KCNIP4: variants seen among roughly 807,000 people sequenced by gnomAD.
KCNIP4 encodes the protein Kv channel-interacting protein 4.
KCNIP4 carries 12 observed loss-of-function variants against 34.0 expected under a neutral mutation model. The ratio of observed to expected loss-of-function variants is 0.35; its 90% CI spans 0.23 to 0.57. The LOEUF (loss-of-function observed/expected upper bound fraction) is 0.57, where lower values mean the gene tolerates loss of function less well. Among genes scored for constraint, KCNIP4 ranks in the 20% least tolerant of loss-of-function variants. KCNIP4 has a pLI of 0.83. For missense variants in KCNIP4, 238 were observed against 311.7 expected (o/e 0.76, Z 1.78); for synonymous variants, 124 against 102.2 (o/e 1.21, Z -1.29).
At chr4:21,176,364 C>G (rs2322874) in intron 1 of KCNIP4, among the ~76,000 whole-genome samples, 99,576 of 151,928 alleles carry the variant, frequency 0.66, 33,218 homozygotes, top group African/African-American at 0.77. Context: ...AGAGGCCTGA[C>G]TGGGGGCTCC....
At chr4:21,153,860 C>T (rs1752949096) in intron 1 of KCNIP4, among the ~76,000 whole-genome samples, 1 of 151,908 alleles carries the variant, frequency 6.6e-6, no homozygotes, top group Non-Finnish European at 1.5e-5. Flanking sequence ...TCAGGTATAT[C>T]CACTCAGTAC....
At chr4:21,927,380 A>G (rs894744542) in intron 1 of KCNIP4, among the ~76,000 whole-genome samples, 1 of 152,158 alleles carries the variant, frequency 6.6e-6, no homozygotes, top group Admixed American at 6.5e-5. Context: ...CTATCACACC[A>G]AAGCAACAGA....
At chr4:21,574,932 AC>A (rs1740636298) in intron 1 of KCNIP4, among the ~76,000 whole-genome samples, 1 of 152,292 alleles carries the variant, frequency 6.6e-6, no homozygotes, top group South Asian at 2.1e-4. Flanking sequence ...TCTATTTTAT[AC>A]CAATTCACTC....
chr4:20,808,982 A>G (rs1221350525), intron 3 of KCNIP4, among the ~76,000 whole-genome samples: 1 of 152,204 alleles, frequency 6.6e-6, no homozygotes, highest in Admixed American at 6.5e-5. Flanking sequence ...AGCTAAAAAG[A>G]TTAGGAACCA....
At chr4:21,823,135 T>C (rs1269799767) in intron 1 of KCNIP4, among the ~76,000 whole-genome samples, 1 of 152,152 alleles carries the variant, frequency 6.6e-6, no homozygotes, top group Non-Finnish European at 1.5e-5. Flanking sequence ...TAATTTACTA[T>C]TTCTCTCTCT....
At chr4:21,627,027 T>A (rs1249599807) in intron 1 of KCNIP4, among the ~76,000 whole-genome samples, 1 of 152,176 alleles carries the variant, frequency 6.6e-6, no homozygotes, top group Non-Finnish European at 1.5e-5. Context: ...GCCTCTTAAA[T>A]GTTGTTTTAT....
At chr4:21,696,574 A>T (rs904860078) in intron 1 of KCNIP4, among the ~76,000 whole-genome samples, 1 of 152,138 alleles carries the variant, frequency 6.6e-6, no homozygotes, top group Non-Finnish European at 1.5e-5. Flanking sequence ...TCTGTTAAAA[A>T]ATATATATAT....
chr4:21,054,182 A>C (rs1743191107), intron 1 of KCNIP4, among the ~76,000 whole-genome samples: 1 of 152,158 alleles, frequency 6.6e-6, no homozygotes, highest in Non-Finnish European at 1.5e-5. Flanking sequence ...ACAAAGTTAG[A>C]GAACTGGCAC....
chr4:21,073,611 A>C (rs1423760824), intron 1 of KCNIP4, among the ~76,000 whole-genome samples: 1 of 152,084 alleles, frequency 6.6e-6, no homozygotes, highest in Non-Finnish European at 1.5e-5. Context: ...CTCTTTTCCT[A>C]ATTGAATACC....
intron 1 of KCNIP4, among the ~76,000 whole-genome samples, chr4:21,839,146 TA>T (rs1723531621): frequency 6.6e-6 from 1 of 152,206 alleles, no homozygotes; most frequent in African/African-American, 2.4e-5. Context: ...TTATTATATT[TA>T]AAAGTTTTTT....
intron 5 of KCNIP4, among the ~76,000 whole-genome samples, chr4:20,746,588 G>C (rs1288098025): frequency 1.3e-5 from 2 of 151,904 alleles, no homozygotes; most frequent in African/African-American, 4.8e-5. Flanking sequence ...GCACATATTT[G>C]GTGCCAGACA....
chr4:20,921,960 A>G (rs1729427995), intron 1 of KCNIP4, among the ~76,000 whole-genome samples: 1 of 152,228 alleles, frequency 6.6e-6, no homozygotes, highest in Admixed American at 6.5e-5. Flanking sequence ...AACATTTTTT[A>G]TCTCAATTAA....
At chr4:21,291,663 C>T (rs1480080246) in intron 1 of KCNIP4, among the ~76,000 whole-genome samples, 1 of 151,098 alleles carries the variant, frequency 6.6e-6, no homozygotes, top group Non-Finnish European at 1.5e-5. Flanking sequence ...TCCTGGATAA[C>T]ATGGTGAAAC....
chr4:21,400,521 T>C (rs1198747392), intron 1 of KCNIP4, among the ~76,000 whole-genome samples: 7 of 36,398 alleles, frequency 1.9e-4, no homozygotes, highest in African/African-American at 5.3e-4. Context: ...TCCTCTTCTC[T>C]TCTCTTCTCT....
At chr4:21,279,522 C>T (rs1358921557) in intron 1 of KCNIP4, among the ~76,000 whole-genome samples, 2 of 139,938 alleles carry the variant, frequency 1.4e-5, no homozygotes, top group Non-Finnish European at 3.2e-5. Context: ...TATACACACA[C>T]ACACATATAT....
chr4:21,625,437 G>A (rs1426992213), intron 1 of KCNIP4, among the ~76,000 whole-genome samples: 1 of 152,138 alleles, frequency 6.6e-6, no homozygotes, highest in Non-Finnish European at 1.5e-5. Context: ...AGTAGAGGAA[G>A]CTGAAGCTTG....
At chr4:20,737,931 C>G (rs1560414880) in intron 5 of KCNIP4, among the ~76,000 whole-genome samples, 1 of 152,030 alleles carries the variant, frequency 6.6e-6, no homozygotes, top group Non-Finnish European at 1.5e-5. Flanking sequence ...CAAGAGTTTG[C>G]AAGCAGCCTG....
At chr4:20,822,794 A>T (rs1276970783) in intron 3 of KCNIP4, among the ~76,000 whole-genome samples, 6 of 152,064 alleles carry the variant, frequency 3.9e-5, no homozygotes, top group Non-Finnish European at 8.8e-5. Flanking sequence ...AGAACCTAAT[A>T]CCCAGTGTGT....
At chr4:21,861,633 G>A (rs1468080818) in intron 1 of KCNIP4, among the ~76,000 whole-genome samples, 3 of 135,640 alleles carry the variant, frequency 2.2e-5, no homozygotes, top group African/African-American at 8.2e-5. Flanking sequence ...CTCCAGCCTG[G>A]GCGACAGAGT....
Sources: gnomAD v4.1 joint callset for allele counts (sites outside exome capture counted in the v4.1 genomes callset) on GRCh38, gnomAD v4.1.1 for gene constraint, MANE v1.5 for transcripts, NCBI Gene and HGNC (gene_info 2026-07-23, HGNC 2026-07-21) for gene names.